Variants in PSMA3 observed in about 807,000 individuals in gnomAD.
The protein encoded by PSMA3 is proteasome subunit alpha type-3.
In PSMA3, 8 loss-of-function variants were observed where a neutral mutation model predicts 40.0. That is an observed-to-expected ratio of 0.20 (90% CI 0.12 to 0.36). The LOEUF (loss-of-function observed/expected upper bound fraction) is 0.36, where lower values mean the gene tolerates loss of function less well. Among genes scored for constraint, PSMA3 ranks in the 10% least tolerant of loss-of-function variants. The pLI is 1.00. For missense variants in PSMA3, 219 were observed against 310.6 expected, an observed-to-expected ratio of 0.70 and a Z score of 2.22; for synonymous variants, 110 against 100.0, an observed-to-expected ratio of 1.10 and a Z score of -0.59.
chr14:58,257,708 A>T (rs1478943441), intron 3 of PSMA3, 37 bp from the exon 4 acceptor site: 1 of 1,514,642 alleles, frequency 6.6e-7, no homozygotes. Flanking sequence ...TTGTGATAGG[A>T]ATGTGTTCCT....
At chr14:58,266,927 G>A (rs1453843667) in intron 7 of PSMA3, 1 of 152,290 alleles carries the variant, frequency 6.6e-6, no homozygotes, top group South Asian at 2.1e-4. Context: ...GATGGCTGTG[G>A]ATTTTTATAA....
intron 8 of PSMA3, chr14:58,269,558 G>C (rs542238834): frequency 1.3e-5 from 2 of 150,694 alleles, no homozygotes; most frequent in Admixed American, 1.3e-4. Context: ...TCAGTTTCCC[G>C]AGTAGTTGGG....
intron 8 of PSMA3, chr14:58,269,902 T>G (rs551707365): frequency 1.6e-4 from 24 of 152,286 alleles, no homozygotes; most frequent in African/African-American, 5.8e-4. Context: ...CAGGATGGAG[T>G]GCAGTAGTGT....
chr14:58,252,534 T>C (rs1361706647), intron 3 of PSMA3, among the ~76,000 whole-genome samples: 1 of 152,170 alleles, frequency 6.6e-6, no homozygotes, highest in Non-Finnish European at 1.5e-5. Flanking sequence ...GAAGAATCTT[T>C]AGCTTTCTGT....
In PSMA3 at chr14:58,244,875, G is replaced by T; in HGVS notation, c.-46G>T. ...TGCGGCATCCTGTGGTATAGGGGAA[G>T]CGCTCCGGGCCTGGAATCCCTACGC... is the stretch of plus-strand genomic sequence containing the variant. On this transcript the variant is annotated 5_prime_UTR_variant, in exon 1 of 11. Transcript: ENST00000216455. 1 of 1,614,186 alleles carries T rather than the reference G, an allele frequency of 6.2e-7. No individual in the cohort carries two copies. Among genetic ancestry groups the T allele is most frequent in the Non-Finnish European group, 8.5e-7 (1 of 1,179,990 alleles).
chr14:58,255,302 A>G (rs1404061484), intron 3 of PSMA3, among the ~76,000 whole-genome samples: 1 of 152,084 alleles, frequency 6.6e-6, no homozygotes, highest in East Asian at 1.9e-4. Flanking sequence ...CCAAATTTGG[A>G]TGTGGCCACT....
At chr14:58,268,199 T>C (rs1325340721) in intron 8 of PSMA3, 2 of 152,138 alleles carry the variant, frequency 1.3e-5, no homozygotes, top group African/African-American at 2.4e-5. Flanking sequence ...CATTTGGTAT[T>C]ACAAAAAGAT....
intron 1 of PSMA3, among the ~76,000 whole-genome samples, chr14:58,245,789 A>G (rs1212484567): frequency 2.0e-5 from 3 of 152,200 alleles, no homozygotes; most frequent in African/African-American, 7.2e-5. Flanking sequence ...TCAGTTCCTC[A>G]ATTTCTACTT....
rs140909975 is a variant in PSMA3, at chr14:58,263,689, A to AT, written c.478-9dup. The stretch of plus-strand genomic sequence containing the variant: ...GTGTACTAATTCAGTGATTATATAT[A>AT]TTTTTTTCTAAATAGGGTTATTGGG... On this transcript the variant is annotated splice_polypyrimidine_tract_variant and intron_variant, in intron 6 of 10. Transcript: ENST00000216455. 6.9e-6 allele frequency: 11 copies of AT among 1,600,742 alleles called. No individual in the cohort carries two copies. Among genetic ancestry groups the AT allele is most frequent in the East Asian group, 2.2e-5 (1 of 44,768 alleles).
At chr14:58,270,186 T>G in intron 8 of PSMA3, 1 of 516,158 alleles carries the variant, frequency 1.9e-6, no homozygotes, top group South Asian at 2.8e-5. Flanking sequence ...TAAACTGAAC[T>G]TGGGTTGATT....
chr14:58,252,265 C>CCTTT (rs1329361835), intron 3 of PSMA3, 23 bp downstream of exon 3: 1 of 1,597,170 alleles, frequency 6.3e-7, no homozygotes. Flanking sequence ...TTAAAATGTT[C>CCTTT]CTTTTTGTCT....
rs1007826343 is a variant in PSMA3 at position 58,270,495 on chromosome 14, T to C, written c.658+10T>C. On this transcript the variant is annotated intron_variant, in intron 9 of 10. Coordinates refer to ENST00000216455, the MANE Select transcript of PSMA3 (RefSeq NM_002788.4). ...AGCTGGGTTGGTGAATGTAAGTTAT[T>C]TTTGTACATTTATTTGCCTTAGGAA... is the stretch of plus-strand genomic sequence containing the variant. 1 of 1,613,450 alleles carries C rather than the reference T, an allele frequency of 6.2e-7. No homozygotes were observed. Among genetic ancestry groups the C allele is most frequent in the Non-Finnish European group, 8.5e-7 (1 of 1,179,696 alleles).
At chr14:58,248,693 G>A (rs929714896) in intron 2 of PSMA3, among the ~76,000 whole-genome samples, 2 of 151,822 alleles carry the variant, frequency 1.3e-5, no homozygotes, top group Non-Finnish European at 2.9e-5. Flanking sequence ...GGTGGCTCAC[G>A]CCTGTAATCC....
At chr14:58,245,666 G>GTAT (rs1333305620) in intron 1 of PSMA3, among the ~76,000 whole-genome samples, 1 of 152,184 alleles carries the variant, frequency 6.6e-6, no homozygotes, top group Non-Finnish European at 1.5e-5. Flanking sequence ...TTTGTTAAAC[G>GTAT]TATTGCATAT....
At chr14:58,261,052 T>C in intron 6 of PSMA3, 32 bp downstream of exon 6, 1 of 1,440,668 alleles carries the variant, frequency 6.9e-7, no homozygotes, top group Non-Finnish European at 9.8e-7. Flanking sequence ...GAAATTCTAT[T>C]TTAGTTTAAT....
intron 3 of PSMA3, among the ~76,000 whole-genome samples, chr14:58,254,114 T>A (rs1384248333): frequency 1.3e-5 from 2 of 151,436 alleles, no homozygotes; most frequent in East Asian, 3.9e-4. Context: ...ATCCATGAAT[T>A]CTCATCATTT....
chr14:58,248,783 T>C (rs906643120), intron 2 of PSMA3, among the ~76,000 whole-genome samples: 1 of 147,740 alleles, frequency 6.8e-6, no homozygotes, highest in Non-Finnish European at 1.5e-5. Flanking sequence ...GGTAAAACCC[T>C]GTCTCTACTA....
intron 9 of PSMA3, 21 bp from the exon 10 acceptor site, chr14:58,270,913 C>T (rs373621863): frequency 1.0e-5 from 16 of 1,563,776 alleles, no homozygotes; most frequent in Admixed American, 5.2e-5. Context: ...AATTCATTTA[C>T]ACATGTGGCT....
intron 7 of PSMA3, chr14:58,265,935 C>T (rs774228788): frequency 6.6e-6 from 1 of 152,196 alleles, no homozygotes; most frequent in Non-Finnish European, 1.5e-5. Context: ...TTGGAAAAAG[C>T]TGCAGGCGTA....
Sources: allele counts gnomAD v4.1 joint callset (sites outside exome capture counted in the v4.1 genomes callset), GRCh38; gene constraint gnomAD v4.1.1; transcripts MANE v1.5; gene names NCBI Gene and HGNC (gene_info 2026-07-23, HGNC 2026-07-21).